DPP6: variants seen among roughly 807,000 people sequenced by gnomAD.
The protein encoded by DPP6 is A-type potassium channel modulatory protein DPP6.
DPP6 carries 69 observed loss-of-function variants against 122.6 expected under a neutral mutation model. The observed-to-expected ratio is 0.56, with a 90% CI of 0.46 to 0.69. DPP6 has a LOEUF of 0.69. Ranked by LOEUF, DPP6 falls within the 30% of genes least tolerant of loss-of-function variation. The pLI is 0.00. For missense variants in DPP6, 928 were observed against 1,116.9 expected (o/e 0.83, Z 2.41); for synonymous variants, 418 against 433.1 (o/e 0.97, Z 0.43).
chr7:154,058,470 C>T (rs1378962802), intron 1 of DPP6: 2 of 139,266 alleles, frequency 1.4e-5, no homozygotes, highest in Non-Finnish European at 3.1e-5. Flanking sequence ...TTGGTACCCC[C>T]ATCGTAGGGG....
rs531024039 is a variant in DPP6 at position 154,100,664 on chromosome 7, G to A, written c.243+47601G>A. ...CGCACTGCTGGCAGATGCTCCCCAC[G>A]TCCCCTAGAATGGTTTGTGATCTTT... On this transcript the variant is annotated intron_variant, in intron 1 of 25. Transcript: ENST00000377770. Among the ~76,000 whole-genome samples, 566 of 87,240 alleles carry A rather than the reference G, an allele frequency of 6.5e-3. 124 individuals are homozygous for A. The highest frequency in any genetic ancestry group is 0.03 in the African/African-American group (523 of 17,330). The allele number at this position is 87,240 out of a possible 152,430, so 57.2% of individuals were successfully genotyped here.
At chr7:153,849,378 T>A in the DPP6 span, among the ~76,000 whole-genome samples, 4 of 152,086 alleles carry the variant, frequency 2.6e-5, no homozygotes, top group African/African-American at 9.7e-5. Flanking sequence ...CTGCTGAAGA[T>A]GTCGTCCTTG....
At chr7:154,775,710 G>A (rs538662745) in intron 10 of DPP6, among the ~76,000 whole-genome samples, 23 of 152,164 alleles carry the variant, frequency 1.5e-4, no homozygotes, top group African/African-American at 4.8e-4. Context: ...GGTTGAGACC[G>A]CCCCTGCAAT....
chr7:153,951,019 A>C (rs1275946214), intron 1 of DPP6, among the ~76,000 whole-genome samples: 1 of 152,196 alleles, frequency 6.6e-6, no homozygotes, highest in Non-Finnish European at 1.5e-5. Context: ...CACGGCAGGG[A>C]GAGAAACCAT....
At chr7:154,710,805 G>A (rs757097288) in intron 7 of DPP6, among the ~76,000 whole-genome samples, 26 of 152,236 alleles carry the variant, frequency 1.7e-4, no homozygotes, top group Admixed American at 5.2e-4. Context: ...TGCAGGATTG[G>A]CACAGTCTCC....
chr7:154,116,863 G>C (rs1185189360), intron 1 of DPP6, among the ~76,000 whole-genome samples: 2 of 152,128 alleles, frequency 1.3e-5, no homozygotes, highest in African/African-American at 4.8e-5. Context: ...CAAATTCTAA[G>C]CTCAGCTTGG....
intron 1 of DPP6, among the ~76,000 whole-genome samples, chr7:154,159,856 C>A (rs2150705400): frequency 6.6e-6 from 1 of 151,950 alleles, no homozygotes; most frequent in South Asian, 2.1e-4. Context: ...CACCTGTAAT[C>A]CCAGCACTTT....
At chr7:153,793,005 GA>G in the DPP6 span, among the ~76,000 whole-genome samples, 15 of 152,126 alleles carry the variant, frequency 9.9e-5, no homozygotes, top group African/African-American at 3.1e-4. Flanking sequence ...CCAGCCATGT[GA>G]AACAATAAGT....
intron 6 of DPP6, among the ~76,000 whole-genome samples, chr7:154,638,532 C>A (rs894697079): frequency 2.0e-5 from 3 of 152,194 alleles, no homozygotes; most frequent in African/African-American, 7.2e-5. Flanking sequence ...TTCATTCTTT[C>A]ATGACCTCAC....
At chr7:153,808,754 A>T in the DPP6 span, among the ~76,000 whole-genome samples, 1 of 152,026 alleles carries the variant, frequency 6.6e-6, no homozygotes, top group Non-Finnish European at 1.5e-5. Context: ...GCTGAATAAC[A>T]TTTCATTTGA....
chr7:154,020,388 C>T (rs540282296), intron 1 of DPP6, among the ~76,000 whole-genome samples: 2,011 of 151,218 alleles, frequency 0.013, 52 homozygotes, highest in African/African-American at 0.046. Context: ...GAGAAGCTGC[C>T]TGATGACTTT....
chr7:154,685,030 G>A lies in DPP6; in HGVS notation c.762+15589G>A, dbSNP rs114710286. On this transcript the variant is annotated intron_variant, in intron 7 of 25. Coordinates refer to ENST00000377770, the MANE Select transcript of DPP6 (RefSeq NM_130797.4). Reference sequence around the variant, plus strand: ...TTAATCAGTCAATGGAAAAGCAAACGATCTATACCAGGCTGATGAACTATA... The same window carrying A: ...TTAATCAGTCAATGGAAAAGCAAACAATCTATACCAGGCTGATGAACTATA... 9.4e-3 allele frequency among the ~76,000 whole-genome samples: 1,433 copies of A among 152,276 alleles called. 19 individuals are homozygous for A. The highest frequency in any genetic ancestry group is 0.033 in the African/African-American group (1,356 of 41,542).
intron 2 of DPP6, among the ~76,000 whole-genome samples, chr7:154,448,166 T>C (rs1820048101): frequency 6.6e-6 from 1 of 152,136 alleles, no homozygotes; most frequent in Non-Finnish European, 1.5e-5. Context: ...GACATAATGT[T>C]GTATATAGAA....
At chr7:154,269,414 G>A (rs752709894) in intron 1 of DPP6, among the ~76,000 whole-genome samples, 12 of 152,140 alleles carry the variant, frequency 7.9e-5, no homozygotes, top group Non-Finnish European at 1.6e-4. Flanking sequence ...TGTCAGGTAC[G>A]TAGTCAGTGG....
At chr7:154,800,389 A>C (rs1325506760) in intron 12 of DPP6, among the ~76,000 whole-genome samples, 7 of 152,180 alleles carry the variant, frequency 4.6e-5, no homozygotes, top group Admixed American at 4.6e-4. Flanking sequence ...ATTCGTGTGA[A>C]GCTCCTTGAG....
chr7:153,924,908 A>T (rs1346462818), intron 1 of DPP6, among the ~76,000 whole-genome samples: 1 of 152,186 alleles, frequency 6.6e-6, no homozygotes, highest in Non-Finnish European at 1.5e-5. Flanking sequence ...TGGTTTCTGT[A>T]AGCTTGTTGC....
the DPP6 span, among the ~76,000 whole-genome samples, chr7:153,801,368 C>T: frequency 6.6e-5 from 10 of 151,838 alleles, no homozygotes; most frequent in Admixed American, 2.0e-4. Context: ...TCTCCTTGCA[C>T]ATGCTCCACG....
At chr7:153,928,395 C>CCTTTTTTTTTTT (rs1467865041) in intron 1 of DPP6, among the ~76,000 whole-genome samples, 2 of 29,996 alleles carry the variant, frequency 6.7e-5, no homozygotes, top group African/African-American at 1.3e-4. Context: ...TCTTTTCTTT[C>CCTTTTTTTTTTT]ATTTTTTTTT....
At chr7:154,098,888 G>A (rs2533606) in intron 1 of DPP6, among the ~76,000 whole-genome samples, 1 of 152,182 alleles carries the variant, frequency 6.6e-6, no homozygotes, top group Non-Finnish European at 1.5e-5. Flanking sequence ...AATAAAACAA[G>A]TATCTAAACT....
Sources: gnomAD v4.1 joint callset for allele counts (sites outside exome capture counted in the v4.1 genomes callset) on GRCh38, gnomAD v4.1.1 for gene constraint, MANE v1.5 for transcripts, NCBI Gene and HGNC (gene_info 2026-07-23, HGNC 2026-07-21) for gene names.